The following TMEM135 variants were observed in gnomAD, a reference collection of about 807,000 sequenced individuals.
TMEM135 encodes the protein peroxisomal membrane protein 52.
TMEM135 carries 30 observed loss-of-function variants against 60.3 expected under a neutral mutation model. That is an observed-to-expected ratio of 0.50 (90% CI 0.37 to 0.68). The LOEUF is 0.68. Among genes scored for constraint, TMEM135 ranks in the 30% least tolerant of loss-of-function variants. The probability of loss-of-function intolerance (pLI) is 0.00; values close to 1 mark genes in which losing one functional copy is unlikely to be tolerated. For synonymous variants in TMEM135, 190 were observed against 186.7 expected, an observed-to-expected ratio of 1.02 and a Z score of -0.14; for missense variants, 468 against 548.8, an observed-to-expected ratio of 0.85 and a Z score of 1.47.
intron 5 of TMEM135, among the ~76,000 whole-genome samples, chr11:87,224,270 C>T (rs1565492360): frequency 6.6e-6 from 1 of 152,178 alleles, no homozygotes; most frequent in African/African-American, 2.4e-5. Flanking sequence ...ATGTGGAACT[C>T]AGTTAGAGGG....
Position 87,147,633 on chromosome 11 carries a change from G to C in TMEM135, c.397-9708G>C, listed in dbSNP as rs540453922. Among the ~76,000 whole-genome samples the C allele has an allele frequency of 2.7e-4, 41 of 152,256 alleles. No individual in the cohort carries two copies. The South Asian group carries it at 6.6e-3, about 25-fold the overall frequency. On this transcript the variant is annotated intron_variant, in intron 4 of 14. Transcript: ENST00000305494. ...AGCATACATCCTTACAGATCTTTTT[G>C]ATTTGCACACATATACACAAAAACA...
At chr11:87,314,179 A>T (rs1482558309) in intron 11 of TMEM135, among the ~76,000 whole-genome samples, 1 of 151,808 alleles carries the variant, frequency 6.6e-6, no homozygotes, top group Admixed American at 6.6e-5. Context: ...TATTTTTTTT[A>T]AATTGTATTT....
At chr11:87,117,173 C>G (rs1451763620) in intron 4 of TMEM135, among the ~76,000 whole-genome samples, 1 of 152,138 alleles carries the variant, frequency 6.6e-6, no homozygotes, top group African/African-American at 2.4e-5. Flanking sequence ...AAACTTATAG[C>G]TACAAGTTGA....
In TMEM135 at chr11:87,038,019, C is replaced by T; in HGVS notation, c.-27C>T. 1.2e-6 allele frequency: 2 copies of T among 1,613,422 alleles called. No individual in the cohort carries two copies. The highest frequency in any genetic ancestry group is 1.6e-4 in the Middle Eastern group (1 of 6,062). ...CCTGCAGGGCTCAGGCTCTCCCCCT[C>T]CTGTCTTCTCCGCGCTGTTCCTCGT... On this transcript the variant is annotated 5_prime_UTR_variant, in exon 1 of 15. Transcript: ENST00000305494.
At chr11:87,042,223 G>A (rs1028712730) in intron 1 of TMEM135, among the ~76,000 whole-genome samples, 1 of 152,186 alleles carries the variant, frequency 6.6e-6, no homozygotes, top group Non-Finnish European at 1.5e-5. Context: ...AGACTGATTG[G>A]GGAAGCAAGG....
In TMEM135 at chr11:87,321,670, A is replaced by T. The variant is rs534581593; in HGVS notation, c.*337A>T. ...AGTACACTTAAAATTACTTTAAAAG[A>T]TGTCTTTAGTTCATTCCAATATAAT... On this transcript the variant is annotated 3_prime_UTR_variant, in exon 15 of 15. Transcript: ENST00000305494. 7 of 484,758 alleles carry T rather than the reference A, an allele frequency of 1.4e-5. No individual in the cohort carries two copies. Among genetic ancestry groups the T allele is most frequent in the Non-Finnish European group, 2.8e-5 (7 of 248,284 alleles). 30.0% of individuals were successfully genotyped at this position (484,758 alleles called of 1,614,324 possible). A position where few individuals can be genotyped will look rare whatever the true frequency, so the allele number is the denominator to read the frequency against.
intron 4 of TMEM135, among the ~76,000 whole-genome samples, chr11:87,130,885 G>A (rs375108494): frequency 1.3e-5 from 2 of 150,450 alleles, no homozygotes; most frequent in Non-Finnish European, 3.0e-5. Context: ...AAATAAATTG[G>A]TTTGTATAAA....
chr11:87,275,259 C>T (rs1429581041), intron 6 of TMEM135, among the ~76,000 whole-genome samples: 1 of 152,082 alleles, frequency 6.6e-6, no homozygotes, highest in African/African-American at 2.4e-5. Flanking sequence ...GACTCTGAAG[C>T]TTGAATTTCC....
chr11:87,179,094 A>G (rs1030189097), intron 5 of TMEM135, among the ~76,000 whole-genome samples: 1 of 152,088 alleles, frequency 6.6e-6, no homozygotes, highest in Non-Finnish European at 1.5e-5. Flanking sequence ...GGTAATTTTT[A>G]TGGTAATTTT....
At chr11:87,201,875 A>T (rs1401562766) in intron 5 of TMEM135, among the ~76,000 whole-genome samples, 1 of 152,184 alleles carries the variant, frequency 6.6e-6, no homozygotes, top group East Asian at 1.9e-4. Context: ...ATCATTTTAT[A>T]ATGAAATCTG....
At chr11:87,081,010 CT>C (rs1856981104) in intron 3 of TMEM135, among the ~76,000 whole-genome samples, 1 of 152,124 alleles carries the variant, frequency 6.6e-6, no homozygotes, top group South Asian at 2.1e-4. Context: ...ATTGATATAG[CT>C]ACTCCAACCT....
At chr11:87,085,035 A>G (rs1565434084) in intron 3 of TMEM135, among the ~76,000 whole-genome samples, 2 of 151,864 alleles carry the variant, frequency 1.3e-5, no homozygotes, top group African/African-American at 2.4e-5. Flanking sequence ...GATTTAGGCT[A>G]AATATAGTCA....
At chr11:87,079,246 T>C (rs892714162) in intron 3 of TMEM135, among the ~76,000 whole-genome samples, 2 of 152,168 alleles carry the variant, frequency 1.3e-5, no homozygotes, top group Admixed American at 6.5e-5. Context: ...CCTCAGGTGA[T>C]CCACCTGCCT....
chr11:87,124,516 T>C (rs1937666617), intron 4 of TMEM135, among the ~76,000 whole-genome samples: 1 of 152,150 alleles, frequency 6.6e-6, no homozygotes, highest in South Asian at 2.1e-4. Context: ...GCATTCTTCC[T>C]GAATTAAAGC....
chr11:87,126,098 C>G (rs995250608), intron 4 of TMEM135, among the ~76,000 whole-genome samples: 4 of 151,532 alleles, frequency 2.6e-5, no homozygotes, highest in African/African-American at 9.7e-5. Context: ...TCTTGAATTC[C>G]TGACCTCAAG....
intron 6 of TMEM135, among the ~76,000 whole-genome samples, chr11:87,293,063 C>T (rs1444730158): frequency 6.6e-6 from 1 of 152,214 alleles, no homozygotes; most frequent in Admixed American, 6.5e-5. Flanking sequence ...ATCTTTTAAT[C>T]AGTCTACTGC....
At chr11:87,053,853 T>C (rs1949866236) in intron 1 of TMEM135, among the ~76,000 whole-genome samples, 1 of 152,216 alleles carries the variant, frequency 6.6e-6, no homozygotes, top group Non-Finnish European at 1.5e-5. Flanking sequence ...CTCACTAATC[T>C]TAGTTTTCTT....
chr11:87,319,404 A>G (rs1241831580), intron 14 of TMEM135, 27 bp downstream of exon 14: 1 of 1,521,938 alleles, frequency 6.6e-7, no homozygotes, highest in South Asian at 1.1e-5. Flanking sequence ...TTTTCTTAAA[A>G]ATATTATGAG....
chr11:87,177,767 G>A (rs1337314077), intron 5 of TMEM135, among the ~76,000 whole-genome samples: 8 of 152,146 alleles, frequency 5.3e-5, no homozygotes, highest in African/African-American at 1.4e-4. Flanking sequence ...AGGTTTAAGA[G>A]TTTAGCCCTC....
Sources: allele counts gnomAD v4.1 joint callset (sites outside exome capture counted in the v4.1 genomes callset), GRCh38; gene constraint gnomAD v4.1.1; transcripts MANE v1.5; gene names NCBI Gene and HGNC (gene_info 2026-07-23, HGNC 2026-07-21).